The following CCDC191 variants were observed in gnomAD, a reference collection of about 807,000 sequenced individuals.
CCDC191 encodes coiled-coil domain containing 191.
CCDC191 carries 99 observed loss-of-function variants against 114.0 expected under a neutral mutation model. The observed-to-expected ratio is 0.87, with a 90% confidence interval of 0.74 to 1.03. CCDC191 has a LOEUF of 1.03. CCDC191 is among the 50% of genes least tolerant of loss of function. The probability of loss-of-function intolerance (pLI) is 0.00; values close to 1 mark genes in which losing one functional copy is unlikely to be tolerated. For synonymous variants in CCDC191, 351 were observed against 376.0 expected (o/e 0.93, Z 0.77); for missense variants, 973 against 1,087.0 (o/e 0.90, Z 1.47).
At chr3:114,027,464 A>AG (rs397751790) in intron 7 of CCDC191, among the ~76,000 whole-genome samples, 1 of 151,234 alleles carries the variant, frequency 6.6e-6, no homozygotes, top group Non-Finnish European at 1.5e-5. Flanking sequence ...AGATACAAAA[A>AG]TTAGCTGGGT....
At chr3:114,053,672 A>G (rs1199648469) in intron 1 of CCDC191, 37 bp from the exon 2 acceptor site, 2 of 1,459,016 alleles carry the variant, frequency 1.4e-6, no homozygotes, top group Non-Finnish European at 1.9e-6. Context: ...ATACGCAGCA[A>G]TATCTTTATC....
intron 13 of CCDC191, among the ~76,000 whole-genome samples, chr3:113,993,479 A>G (rs935833268): frequency 5.9e-5 from 9 of 152,218 alleles, no homozygotes; most frequent in African/African-American, 2.2e-4. Context: ...AAATATATAA[A>G]AATAATTTAA....
chr3:114,035,859 T>C (rs1256487962), intron 5 of CCDC191, among the ~76,000 whole-genome samples: 1 of 152,198 alleles, frequency 6.6e-6, no homozygotes, highest in East Asian at 1.9e-4. Flanking sequence ...TCTTTTGTCA[T>C]AAATCCAAAC....
chr3:114,006,225 G>C (rs1301216796), intron 9 of CCDC191, among the ~76,000 whole-genome samples: 1 of 151,924 alleles, frequency 6.6e-6, no homozygotes, highest in Non-Finnish European at 1.5e-5. Context: ...GAGATGGGCA[G>C]ATGACTTAAG....
intron 2 of CCDC191, among the ~76,000 whole-genome samples, chr3:114,051,659 C>A (rs990294815): frequency 4.6e-5 from 7 of 152,214 alleles, no homozygotes; most frequent in South Asian, 2.1e-4. Flanking sequence ...TGAAGAGAGG[C>A]CTTTCTCAAT....
At position 114,000,581 on chromosome 3, in the gene CCDC191, T is replaced by C. The variant is rs74657219; in HGVS notation, c.2163+1014A>G. 4.4e-3 allele frequency among the ~76,000 whole-genome samples: 664 copies of C among 152,326 alleles called. 16 individuals are homozygous for C. Among genetic ancestry groups the C allele is most frequent in the East Asian group, 0.021 (111 of 5,188 alleles). On this transcript the variant is annotated intron_variant, in intron 13 of 16. Transcript: ENST00000295878. The stretch of plus-strand genomic sequence containing the variant: ...ACAATTCTCCATTCAAATTTCCTTT[T>C]CATGAAAATACTTCTAATTTCTCCA...
intron 7 of CCDC191, among the ~76,000 whole-genome samples, chr3:114,021,916 T>A (rs1302061109): frequency 6.6e-6 from 1 of 152,138 alleles, no homozygotes; most frequent in Non-Finnish European, 1.5e-5. Flanking sequence ...ATGTTTTTAT[T>A]TCTGTTAGAT....
At chr3:113,968,927 G>T (rs1297764015) in intron 16 of CCDC191, among the ~76,000 whole-genome samples, 3 of 150,840 alleles carry the variant, frequency 2.0e-5, no homozygotes, top group Non-Finnish European at 4.4e-5. Context: ...TTGCAGTTTT[G>T]CCAGCTGTAC....
At chr3:113,980,875 G>C in intron 13 of CCDC191, 82 bp from the exon 14 acceptor site, 1 of 1,286,878 alleles carries the variant, frequency 7.8e-7, no homozygotes, top group Non-Finnish European at 1.1e-6. Context: ...AATTTAATTT[G>C]AACATGTAAC....
intron 7 of CCDC191, among the ~76,000 whole-genome samples, chr3:114,019,518 C>T (rs974273976): frequency 6.6e-6 from 1 of 152,170 alleles, no homozygotes; most frequent in Non-Finnish European, 1.5e-5. Context: ...CAGTACTTAA[C>T]TCATGATCCT....
intron 7 of CCDC191, among the ~76,000 whole-genome samples, chr3:114,027,624 A>G (rs73230280): frequency 0.13 from 17,302 of 129,556 alleles, 1,478 homozygotes; most frequent in South Asian, 0.2. Context: ...AAAAAAAAAG[A>G]AAAAAAAATC....
rs1032599988 is a variant in CCDC191 at position 114,005,627 on chromosome 3, G to A, written c.1749C>T (p.Asn583=). 22 of 1,614,046 alleles carry A rather than the reference G, an allele frequency of 1.4e-5. No individual in the cohort carries two copies. The highest frequency in any genetic ancestry group is 1.8e-5 in the Non-Finnish European group (21 of 1,180,002). ...CCCACTGAGCCTCTGCCAGCTGCAG[G>A]TTTTTCTTCAGCTCGAGAATTGTTT... is the stretch of plus-strand genomic sequence containing the variant. ...QQKTILELKK[N]LQLAEAQWAA... Residue 583 remains asparagine (N), a synonymous_variant, in exon 10 of 17, where the codon AAC becomes AAT. Coordinates refer to ENST00000295878, the MANE Select transcript of CCDC191 (RefSeq NM_020817.2).
At chr3:114,001,804 T>G in intron 12 of CCDC191, 108 bp from the exon 13 acceptor site, 1 of 1,346,104 alleles carries the variant, frequency 7.4e-7, no homozygotes, top group Non-Finnish European at 1.0e-6. Context: ...GTCCTATCTC[T>G]GGAAGAAGTC....
intron 1 of CCDC191, 142 bp downstream of exon 1, chr3:114,056,235 A>G: frequency 2.7e-6 from 2 of 737,474 alleles, no homozygotes; most frequent in East Asian, 2.5e-5. Context: ...ACTCAGGGTA[A>G]TGCTGGCTTT....
chr3:114,056,604 C>G, upstream of CCDC191: 1 of 1,577,154 alleles, frequency 6.3e-7, no homozygotes, highest in East Asian at 2.3e-5. Context: ...AACCACCACT[C>G]CCACGAGGCT....
intron 13 of CCDC191, among the ~76,000 whole-genome samples, chr3:113,989,107 T>C (rs2075470945): frequency 6.6e-6 from 1 of 152,190 alleles, no homozygotes; most frequent in African/African-American, 2.4e-5. Context: ...TGTAAGTCTT[T>C]TTAAACATAC....
intron 2 of CCDC191, among the ~76,000 whole-genome samples, chr3:114,047,519 C>T (rs1027719165): frequency 9.2e-5 from 14 of 152,014 alleles, no homozygotes; most frequent in Admixed American, 3.3e-4. Context: ...AAAAATTAGC[C>T]GGGTGTGGTT....
At position 114,042,816 on chromosome 3, in the gene CCDC191, G is replaced by A. The variant is rs1184006878; in HGVS notation, c.302C>T (p.Thr101Ile). ...ACTTGCTAATTCTTGCTTAAGTTTG[G>A]TGTCTAACCAGTCATTGACCAGCTC... ...AQELVNDWLD[T>I]KLKQELASEE... is the part of the protein sequence containing the mutation. Residue 101 changes from threonine (T) to isoleucine (I), a missense_variant, in exon 4 of 17, where the codon ACC (threonine) becomes ATC (isoleucine). By Grantham distance (89) the Thr-to-Ile change is moderately conservative. Transcript: ENST00000295878. 1 of 1,600,118 alleles carries A rather than the reference G, an allele frequency of 6.2e-7. No homozygotes were observed. Among genetic ancestry groups the A allele is most frequent in the Non-Finnish European group, 8.5e-7 (1 of 1,175,084 alleles).
At chr3:114,012,704 T>A (rs1399394981) in intron 8 of CCDC191, among the ~76,000 whole-genome samples, 2 of 152,218 alleles carry the variant, frequency 1.3e-5, no homozygotes, top group African/African-American at 2.4e-5. Flanking sequence ...GAAATTCAAT[T>A]TCCATCAATC....
Sources: gnomAD v4.1 joint callset for allele counts (sites outside exome capture counted in the v4.1 genomes callset) on GRCh38, gnomAD v4.1.1 for gene constraint, MANE v1.5 for transcripts, NCBI Gene and HGNC (gene_info 2026-07-23, HGNC 2026-07-21) for gene names.